Variants in SLC39A10 observed in about 807,000 individuals in gnomAD.
SLC39A10 encodes the protein zinc transporter ZIP10.
A neutral mutation model predicts 65.1 loss-of-function variants in SLC39A10; 13 were observed. The ratio of observed to expected loss-of-function variants is 0.20; its 90% confidence interval spans 0.13 to 0.32. SLC39A10 has a LOEUF of 0.32. Ranked by LOEUF, SLC39A10 falls within the 10% of genes least tolerant of loss-of-function variation. The pLI, the probability that SLC39A10 is intolerant of heterozygous loss-of-function variation, is 1.00. For missense variants in SLC39A10, 831 were observed against 1,018.4 expected, an observed-to-expected ratio of 0.82 and a Z score of 2.50; for synonymous variants, 321 against 342.2, an observed-to-expected ratio of 0.94 and a Z score of 0.68.
At chr2:195,681,969 T>G (rs1163250804) in intron 2 of SLC39A10, among the ~76,000 whole-genome samples, 2 of 152,172 alleles carry the variant, frequency 1.3e-5, no homozygotes, top group Admixed American at 1.3e-4. Flanking sequence ...TCATGATAAT[T>G]GTTTTTGTCT....
chr2:195,625,607 A>G (rs1688456436), intron 2 of SLC39A10, among the ~76,000 whole-genome samples: 1 of 152,118 alleles, frequency 6.6e-6, no homozygotes, highest in South Asian at 2.1e-4. Context: ...CCAGTTATAT[A>G]AGGAGTCCAT....
At chr2:195,673,790 T>C (rs1376169729) in intron 1 of SLC39A10, among the ~76,000 whole-genome samples, 1 of 152,238 alleles carries the variant, frequency 6.6e-6, no homozygotes, top group Non-Finnish European at 1.5e-5. Context: ...TGTGGTATCT[T>C]TTCAGATTTA....
At chr2:195,619,396 G>C (rs1465516070) in intron 2 of SLC39A10, among the ~76,000 whole-genome samples, 1 of 152,212 alleles carries the variant, frequency 6.6e-6, no homozygotes, top group Non-Finnish European at 1.5e-5. Flanking sequence ...GAAGAATCCA[G>C]ACTGAGGAGT....
intron 2 of SLC39A10, among the ~76,000 whole-genome samples, chr2:195,639,734 A>G (rs1309276403): frequency 6.6e-6 from 1 of 151,964 alleles, no homozygotes; most frequent in Non-Finnish European, 1.5e-5. Context: ...GTGCCACCAC[A>G]CCCGGCTAAT....
intron 2 of SLC39A10, among the ~76,000 whole-genome samples, chr2:195,620,680 C>G (rs1322249624): frequency 2.0e-5 from 3 of 152,178 alleles, no homozygotes. Flanking sequence ...TCTAAGTCAT[C>G]TACACTGTCA....
At chr2:195,713,354 G>A (rs1691664528) in intron 5 of SLC39A10, 79 bp from the exon 6 acceptor site, 1 of 1,186,498 alleles carries the variant, frequency 8.4e-7, no homozygotes, top group Non-Finnish European at 1.1e-6. Context: ...ACCTGTAGGT[G>A]TTAATGAGTC....
intron 6 of SLC39A10, among the ~76,000 whole-genome samples, chr2:195,714,290 T>C (rs1489727992): frequency 6.6e-6 from 1 of 152,166 alleles, no homozygotes; most frequent in Non-Finnish European, 1.5e-5. Context: ...TGAAAAAAGG[T>C]AGATGTTTGG....
chr2:195,621,801 C>T (rs1200201617), intron 2 of SLC39A10, among the ~76,000 whole-genome samples: 1 of 152,052 alleles, frequency 6.6e-6, no homozygotes, highest in Non-Finnish European at 1.5e-5. Flanking sequence ...AGAGAAGTTA[C>T]CTATGATCAT....
intron 2 of SLC39A10, among the ~76,000 whole-genome samples, chr2:195,628,063 CTACTT>C (rs147583364): frequency 0.015 from 2,339 of 152,256 alleles, 48 homozygotes; most frequent in African/African-American, 0.054. Context: ...ATGTAAGTAA[CTACTT>C]TAATGTTATA....
chr2:195,681,859 T>C (rs1313866071), intron 2 of SLC39A10, among the ~76,000 whole-genome samples: 4 of 152,204 alleles, frequency 2.6e-5, no homozygotes, highest in Non-Finnish European at 5.9e-5. Flanking sequence ...GAATTAACTA[T>C]TGAGTGGTTC....
intron 9 of SLC39A10, among the ~76,000 whole-genome samples, chr2:195,730,529 C>G (rs1228339932): frequency 6.6e-6 from 1 of 152,198 alleles, no homozygotes; most frequent in Non-Finnish European, 1.5e-5. Context: ...CCACAATTTC[C>G]TGGCCTTTTC....
intron 2 of SLC39A10, among the ~76,000 whole-genome samples, chr2:195,614,698 C>A (rs1419632028): frequency 1.3e-5 from 2 of 152,146 alleles, no homozygotes; most frequent in African/African-American, 4.8e-5. Flanking sequence ...ACTGGGAAGC[C>A]TCAGTTATCT....
chr2:195,645,097 C>T (rs57313909), intron 2 of SLC39A10, among the ~76,000 whole-genome samples: 1,637 of 151,910 alleles, frequency 0.011, 35 homozygotes, highest in African/African-American at 0.037. Flanking sequence ...TTAGTAGAGA[C>T]GTGGTTTCTC....
At chr2:195,657,312 C>A (rs1431442825) in intron 1 of SLC39A10, 31 bp downstream of exon 1, 1 of 872,930 alleles carries the variant, frequency 1.1e-6, no homozygotes, top group Non-Finnish European at 1.4e-6. Context: ...TGTTTACATT[C>A]CCTCCCCCAG....
chr2:195,621,846 AAT>A (rs1688355117), intron 2 of SLC39A10, among the ~76,000 whole-genome samples: 1 of 152,208 alleles, frequency 6.6e-6, no homozygotes, highest in South Asian at 2.1e-4. Flanking sequence ...ACACATAGGA[AAT>A]ATGATAGGTG....
intron 3 of SLC39A10, among the ~76,000 whole-genome samples, chr2:195,687,197 G>A (rs967953182): frequency 5.3e-5 from 8 of 151,994 alleles, no homozygotes; most frequent in Non-Finnish European, 8.8e-5. Context: ...CACTGTGGCA[G>A]GAGAAAGGGG....
At chr2:195,667,006 G>A (rs140972609) in intron 1 of SLC39A10, among the ~76,000 whole-genome samples, 1 of 152,316 alleles carries the variant, frequency 6.6e-6, no homozygotes, top group East Asian at 1.9e-4. Flanking sequence ...ATGTAGGTTT[G>A]TACATGAATG....
chr2:195,732,506 G>A (rs1274264632), intron 9 of SLC39A10, among the ~76,000 whole-genome samples: 1 of 152,168 alleles, frequency 6.6e-6, no homozygotes, highest in East Asian at 1.9e-4. Context: ...TGACATTCAG[G>A]TTAGAATTAA....
At position 195,690,173 on chromosome 2, in the gene SLC39A10, G is replaced by GGA. The variant is rs1553502432; in HGVS notation, c.1216+6267_1216+6268insGA. Among the ~76,000 whole-genome samples the GGA allele has an allele frequency of 8.3e-4, 51 of 61,154 alleles. 1 individual carries two copies. Among genetic ancestry groups the GGA allele is most frequent in the African/African-American group, 2.2e-3 (43 of 19,130 alleles). The allele number at this position is 61,154 out of a possible 152,430, so 40.1% of individuals were successfully genotyped here. A position where few individuals can be genotyped will look rare whatever the true frequency, so the allele number is the denominator to read the frequency against. On this transcript the variant is annotated intron_variant, in intron 3 of 9. Transcript: ENST00000359634. ...ACTGGGCAACAGAGTGAGACTCTCTGAAAAAAAAAAAAAAAAAAAAAAAAA... is the reference window on the plus strand; with the variant it reads ...ACTGGGCAACAGAGTGAGACTCTCTGGAAAAAAAAAAAAAAAAAAAAAAAAAA...
Sources: gnomAD v4.1 joint callset for allele counts (sites outside exome capture counted in the v4.1 genomes callset) on GRCh38, gnomAD v4.1.1 for gene constraint, MANE v1.5 for transcripts, NCBI Gene and HGNC (gene_info 2026-07-23, HGNC 2026-07-21) for gene names.